DTNB: variants seen among roughly 807,000 people sequenced by gnomAD.
DTNB encodes the protein DTN-B.
In DTNB, 63 loss-of-function variants were observed where a neutral mutation model predicts 90.7. That is an observed-to-expected ratio of 0.69 (90% CI 0.57 to 0.86). The LOEUF is 0.86. Among genes scored for constraint, DTNB ranks in the 40% least tolerant of loss-of-function variants. The probability of loss-of-function intolerance (pLI) is 0.00; values close to 1 mark genes in which losing one functional copy is unlikely to be tolerated. For missense variants in DTNB, 744 were observed against 807.1 expected (o/e 0.92, Z 0.95); for synonymous variants, 277 against 286.7 (o/e 0.97, Z 0.34).
At chr2:25,494,936 A>G (rs749941754) in intron 9 of DTNB, among the ~76,000 whole-genome samples, 1 of 152,152 alleles carries the variant, frequency 6.6e-6, no homozygotes, top group Non-Finnish European at 1.5e-5. Context: ...GCTGCAGAAC[A>G]AATCTACAAC....
rs138024550 is a variant in DTNB at position 25,608,473 on chromosome 2, C to A, written c.363-1152G>T. 4.9e-3 allele frequency among the ~76,000 whole-genome samples: 749 copies of A among 152,210 alleles called. 5 individuals are homozygous for A. Among genetic ancestry groups the A allele is most frequent in the African/African-American group, 0.017 (706 of 41,512 alleles). ...ACAAAATAGGAATGACTGCAACTAG[C>A]TAAAATTAGAATGGGGTTTTTAAAA... On this transcript the variant is annotated intron_variant, in intron 4 of 20. Coordinates refer to ENST00000406818, the MANE Select transcript of DTNB (RefSeq NM_021907.5).
At chr2:25,488,345 G>T (rs556234857) in intron 9 of DTNB, among the ~76,000 whole-genome samples, 19 of 152,306 alleles carry the variant, frequency 1.2e-4, no homozygotes, top group Non-Finnish European at 1.6e-4. Flanking sequence ...TTTTTACCTT[G>T]ACTACTGGGT....
intron 8 of DTNB, among the ~76,000 whole-genome samples, chr2:25,549,345 G>A (rs2083116503): frequency 6.6e-6 from 1 of 151,698 alleles, no homozygotes; most frequent in African/African-American, 2.4e-5. Flanking sequence ...TCTTGGATTG[G>A]TCAAGGTTGT....
At chr2:25,667,374 A>G (rs575200383) in intron 1 of DTNB, among the ~76,000 whole-genome samples, 34 of 152,184 alleles carry the variant, frequency 2.2e-4, no homozygotes, top group Non-Finnish European at 3.4e-4. Flanking sequence ...CTATAATCCC[A>G]GCTACTCGGG....
chr2:25,627,076 T>A (rs2074331552), intron 4 of DTNB, among the ~76,000 whole-genome samples: 2 of 152,350 alleles, frequency 1.3e-5, no homozygotes, highest in Middle Eastern at 3.4e-3. Flanking sequence ...CTAAACTATG[T>A]TCTGCAATGA....
chr2:25,613,082 T>C (rs995073893), intron 4 of DTNB, among the ~76,000 whole-genome samples: 1 of 152,184 alleles, frequency 6.6e-6, no homozygotes, highest in Non-Finnish European at 1.5e-5. Context: ...AGTATTATTC[T>C]TTTTTTAATA....
rs181420807 is a variant in DTNB, at chr2:25,565,625, C to T, written c.876+11213G>A. 9.3e-4 allele frequency among the ~76,000 whole-genome samples: 140 copies of T among 151,264 alleles called. 1 individual carries two copies. The highest frequency in any genetic ancestry group is 5.0e-3 in the Admixed American group (76 of 15,214). ...CCAGTTTATTGCATTTTTTTTTTAT[C>T]GTGACAGAATTTTGGGTTTTGTCAA... is the stretch of plus-strand genomic sequence containing the variant. On this transcript the variant is annotated intron_variant, in intron 8 of 20. Transcript: ENST00000406818.
chr2:25,547,688 T>C (rs752579343), intron 8 of DTNB, among the ~76,000 whole-genome samples: 1 of 152,190 alleles, frequency 6.6e-6, no homozygotes, highest in Non-Finnish European at 1.5e-5. Context: ...GTAAAATTGG[T>C]TGGATACATT....
intron 10 of DTNB, 23 bp from the exon 11 acceptor site, chr2:25,455,517 C>G: frequency 6.3e-7 from 1 of 1,588,036 alleles, no homozygotes; most frequent in Non-Finnish European, 8.6e-7. Context: ...GAGGCAAAGA[C>G]AGCAAGCGTG....
intron 9 of DTNB, among the ~76,000 whole-genome samples, chr2:25,519,680 A>G (rs1041904804): frequency 6.6e-6 from 1 of 152,186 alleles, no homozygotes; most frequent in Non-Finnish European, 1.5e-5. Context: ...TCGGCACTCA[A>G]AAAGTTTCGG....
intron 18 of DTNB, among the ~76,000 whole-genome samples, chr2:25,384,176 T>C (rs2038783704): frequency 6.6e-6 from 1 of 152,248 alleles, no homozygotes; most frequent in African/African-American, 2.4e-5. Flanking sequence ...CGTGCCTCTG[T>C]TCTATGCCTG....
intron 15 of DTNB, 55 bp from the exon 16 acceptor site, chr2:25,419,590 G>C: frequency 6.5e-7 from 1 of 1,541,130 alleles, no homozygotes; most frequent in East Asian, 2.4e-5. Context: ...AGAAATTAAT[G>C]CCCATTAATG....
At chr2:25,644,694 G>C (rs969834928) in intron 2 of DTNB, among the ~76,000 whole-genome samples, 5 of 152,210 alleles carry the variant, frequency 3.3e-5, no homozygotes, top group Non-Finnish European at 7.3e-5. Context: ...CGAAGGCGGA[G>C]GCTTCAGTGG....
intron 16 of DTNB, among the ~76,000 whole-genome samples, chr2:25,415,028 G>A (rs759696058): frequency 6.6e-6 from 1 of 152,154 alleles, no homozygotes; most frequent in Non-Finnish European, 1.5e-5. Flanking sequence ...GGGGAAGAGA[G>A]AGAGGAAAGA....
intron 10 of DTNB, among the ~76,000 whole-genome samples, chr2:25,480,038 C>G (rs1277796527): frequency 6.6e-6 from 1 of 152,102 alleles, no homozygotes; most frequent in African/African-American, 2.4e-5. Context: ...ATTAAGGAAA[C>G]AAGTAGAATA....
At position 25,662,339 on chromosome 2, in the gene DTNB, C is replaced by G. The variant is rs187999979; in HGVS notation, c.-1-9678G>C. Among the ~76,000 whole-genome samples, 374 of 152,154 alleles carry G rather than the reference C, an allele frequency of 2.5e-3. 2 individuals are homozygous for G. Among genetic ancestry groups the G allele is most frequent in the Non-Finnish European group, 3.0e-3 (202 of 68,020 alleles). ...TGGGAAAATAAAATTATAGTATAGT[C>G]AATCGCACAACAGAATAAAGCAGGG... On this transcript the variant is annotated intron_variant, in intron 1 of 20. Coordinates refer to ENST00000406818, the MANE Select transcript of DTNB (RefSeq NM_021907.5).
intron 9 of DTNB, among the ~76,000 whole-genome samples, chr2:25,500,875 T>C (rs1157456523): frequency 2.0e-5 from 3 of 152,174 alleles, no homozygotes; most frequent in Admixed American, 6.6e-5. Flanking sequence ...AGAATCATAG[T>C]GGTGAGCAAG....
chr2:25,468,092 T>C (rs2062124552), intron 10 of DTNB, among the ~76,000 whole-genome samples: 1 of 152,088 alleles, frequency 6.6e-6, no homozygotes, highest in Non-Finnish European at 1.5e-5. Context: ...GTCTTTGTCT[T>C]ATATTCTTGA....
At chr2:25,501,039 G>A (rs923655873) in intron 9 of DTNB, among the ~76,000 whole-genome samples, 8 of 152,104 alleles carry the variant, frequency 5.3e-5, no homozygotes, top group African/African-American at 1.7e-4. Context: ...AAGATCCTCA[G>A]GCCCCTAAAG....
Sources: allele counts gnomAD v4.1 joint callset (sites outside exome capture counted in the v4.1 genomes callset), GRCh38; gene constraint gnomAD v4.1.1; transcripts MANE v1.5; gene names NCBI Gene and HGNC (gene_info 2026-07-23, HGNC 2026-07-21).